The following PASD1 variants were observed in gnomAD, a reference collection of about 807,000 sequenced individuals.
The protein encoded by PASD1 is circadian clock protein PASD1.
In PASD1, 13 loss-of-function variants were observed where a neutral mutation model predicts 58.8. That is an observed-to-expected ratio of 0.22 (90% confidence interval 0.14 to 0.35). The LOEUF (loss-of-function observed/expected upper bound fraction) is 0.35. Ranked by LOEUF, PASD1 falls within the 10% of genes least tolerant of loss-of-function variation. PASD1 has a pLI of 1.00. For missense variants in PASD1, 734 were observed against 568.3 expected (o/e 1.29, Z -2.96); for synonymous variants, 236 against 216.7 (o/e 1.09, Z -0.78).
intron 4 of PASD1, among the ~76,000 whole-genome samples, chrX:151,618,224 T>C (rs1452257212): frequency 8.9e-6 from 1 of 111,825 alleles, no homozygotes; most frequent in Non-Finnish European, 1.9e-5. Context: ...ATCTGTCTGC[T>C]AATTTGATCA....
chrX:151,627,436 G>T (rs2013803243), intron 8 of PASD1, among the ~76,000 whole-genome samples: 1 of 108,611 alleles, frequency 9.2e-6, no homozygotes, highest in African/African-American at 3.4e-5. Context: ...GTTCCCACCT[G>T]TGAGTGAGGA....
rs188739646 is a variant in PASD1 at position 151,651,673 on chromosome X, A to G, written c.717+2971A>G. On this transcript the variant is annotated intron_variant, in intron 9 of 15. Coordinates refer to ENST00000370357, the MANE Select transcript of PASD1 (RefSeq NM_173493.3). The stretch of plus-strand genomic sequence containing the variant: ...TATTTAAGATTCTAAAAAGTAGTCA[A>G]AGAAGGTCAGCCCTGAAAAAGAATA... Among the ~76,000 whole-genome samples the G allele has an allele frequency of 7.5e-4, 85 of 112,638 alleles. No homozygotes were observed. In the Admixed American group the frequency reaches 7.8e-3, roughly 10 times the overall value.
chrX:151,591,319 ATG>A (rs758794642), intron 1 of PASD1, among the ~76,000 whole-genome samples: 126 of 111,887 alleles, frequency 1.1e-3, no homozygotes, highest in African/African-American at 3.9e-3. Context: ...GTATGTATAG[ATG>A]TGTGTGTACA....
At chrX:151,578,643 C>T (rs2013044726) in intron 1 of PASD1, among the ~76,000 whole-genome samples, 1 of 112,382 alleles carries the variant, frequency 8.9e-6, no homozygotes, top group African/African-American at 3.2e-5. Flanking sequence ...AGCCTAACTC[C>T]CCAAATCCAG....
intron 11 of PASD1, among the ~76,000 whole-genome samples, chrX:151,665,041 TTCA>T (rs1028430171): frequency 8.9e-6 from 1 of 112,099 alleles, no homozygotes; most frequent in Non-Finnish European, 1.9e-5. Context: ...ATTGTGTGCG[TTCA>T]TCACTGAGCC....
At chrX:151,635,340 A>T (rs994445426) in intron 8 of PASD1, among the ~76,000 whole-genome samples, 1 of 112,079 alleles carries the variant, frequency 8.9e-6, no homozygotes, top group Non-Finnish European at 1.9e-5. Flanking sequence ...CTTGTGTGCC[A>T]CTGCTTTTAA....
chrX:151,646,507 A>G (rs2014062393), intron 8 of PASD1, among the ~76,000 whole-genome samples: 1 of 112,405 alleles, frequency 8.9e-6, no homozygotes, highest in Non-Finnish European at 1.9e-5. Flanking sequence ...TGAAGACTAA[A>G]TTTTAAATTG....
chrX:151,583,200 T>C, intron 1 of PASD1, among the ~76,000 whole-genome samples: 1 of 112,249 alleles, frequency 8.9e-6, no homozygotes, highest in East Asian at 2.8e-4. Flanking sequence ...ACTCCCAGGA[T>C]GGCCTTGGGA....
At chrX:151,670,433 T>C (rs1005524662) in intron 11 of PASD1, among the ~76,000 whole-genome samples, 1 of 112,213 alleles carries the variant, frequency 8.9e-6, no homozygotes, top group African/African-American at 3.2e-5. Flanking sequence ...ATTTGCCCCA[T>C]AGCACACTCT....
At chrX:151,670,383 A>G (rs1160989754) in intron 11 of PASD1, among the ~76,000 whole-genome samples, 1 of 111,907 alleles carries the variant, frequency 8.9e-6, no homozygotes, top group Admixed American at 9.6e-5. Context: ...TCTACGTGTG[A>G]CCTGCCTTAT....
chrX:151,672,205 A>C lies in PASD1; in HGVS notation c.1460A>C (p.Gln487Pro), dbSNP rs1233000115. The C allele has an allele frequency of 2.6e-6, 3 of 1,155,919 alleles. No homozygotes were observed. The highest frequency in any genetic ancestry group is 1.8e-5 in the African/African-American group (1 of 54,949). ...CAGCAGCAACTGGTGCAGCAAGAAC[A>C]ACACCTGAAGGAGCAGCAGCGGCAG... ...FNQQQLVQQE[Q>P]HLKEQQRQLR... The change falls in exon 14 of 16, where the codon CAA becomes CCA. Residue 487 changes from glutamine (Q) to proline (P), a missense_variant. Coordinates refer to ENST00000370357, the MANE Select transcript of PASD1 (RefSeq NM_173493.3).
At chrX:151,578,190 A>G (rs1436458766) in intron 1 of PASD1, 2 of 112,334 alleles carry the variant, frequency 1.8e-5, no homozygotes, top group East Asian at 5.6e-4. Flanking sequence ...TCTTGTGTCA[A>G]GAAATCTGCT....
intron 1 of PASD1, among the ~76,000 whole-genome samples, chrX:151,571,933 C>T (rs748657172): frequency 3.6e-5 from 4 of 110,963 alleles, no homozygotes; most frequent in Admixed American, 2.9e-4. Context: ...CAGCTAACCT[C>T]GAACCCCTTC....
chrX:151,662,016 T>C (rs181267368), intron 10 of PASD1, among the ~76,000 whole-genome samples: 1 of 112,611 alleles, frequency 8.9e-6, no homozygotes, highest in Admixed American at 9.4e-5. Flanking sequence ...TTATCAAATA[T>C]TTGAGGGGAG....
At chrX:151,571,018 G>T (rs1253944679) in intron 1 of PASD1, among the ~76,000 whole-genome samples, 1 of 111,634 alleles carries the variant, frequency 9.0e-6, no homozygotes, top group Admixed American at 9.5e-5. Flanking sequence ...TTGTCCAAAG[G>T]CCCCCTCATG....
intron 11 of PASD1, 137 bp from the exon 12 acceptor site, chrX:151,670,901 A>G (rs1470422171): frequency 1.4e-6 from 1 of 713,922 alleles, no homozygotes; most frequent in Non-Finnish European, 2.0e-6. Flanking sequence ...CAAACTTTCT[A>G]GTAATGAATG....
intron 1 of PASD1, among the ~76,000 whole-genome samples, chrX:151,567,750 C>G (rs1569395938): frequency 8.9e-6 from 1 of 112,177 alleles, no homozygotes; most frequent in East Asian, 2.8e-4. Context: ...GAGACAGGGT[C>G]TTTCTCTGTC....
intron 1 of PASD1, among the ~76,000 whole-genome samples, chrX:151,575,294 A>G (rs1253977648): frequency 9.0e-6 from 1 of 110,699 alleles, no homozygotes; most frequent in Non-Finnish European, 1.9e-5. Context: ...TTGTAACACT[A>G]TGAAAAGTCA....
chrX:151,622,752 A>T (rs960809117), intron 6 of PASD1, among the ~76,000 whole-genome samples, 185 bp from the exon 7 acceptor site: 1 of 111,782 alleles, frequency 8.9e-6, no homozygotes, highest in Admixed American at 9.5e-5. Flanking sequence ...GATTCTCAGT[A>T]ATAAATTCTT....
Sources: gnomAD v4.1 joint callset for allele counts (sites outside exome capture counted in the v4.1 genomes callset) on GRCh38, gnomAD v4.1.1 for gene constraint, MANE v1.5 for transcripts, NCBI Gene and HGNC (gene_info 2026-07-23, HGNC 2026-07-21) for gene names.